ENTHD1: variants seen among roughly 807,000 people sequenced by gnomAD.
ENTHD1 encodes ENTH domain containing 1.
A neutral mutation model predicts 39.1 loss-of-function variants in ENTHD1; 23 were observed. The ratio of observed to expected loss-of-function variants is 0.59; its 90% CI spans 0.42 to 0.83. ENTHD1 has a LOEUF of 0.83. ENTHD1 is among the 40% of genes least tolerant of loss of function. The pLI, the probability that ENTHD1 is intolerant of heterozygous loss-of-function variation, is 0.00. For missense variants in ENTHD1, 624 were observed against 705.4 expected (o/e 0.88, Z 1.31); for synonymous variants, 230 against 258.2 (o/e 0.89, Z 1.05).
At chr22:39,813,616 T>C (rs1275737623) in intron 5 of ENTHD1, among the ~76,000 whole-genome samples, 1 of 152,232 alleles carries the variant, frequency 6.6e-6, no homozygotes, top group Non-Finnish European at 1.5e-5. Flanking sequence ...ATTAAGCCTC[T>C]ATCTTAATGA....
At chr22:39,749,007 T>C (rs1271323510) in intron 6 of ENTHD1, among the ~76,000 whole-genome samples, 1 of 152,226 alleles carries the variant, frequency 6.6e-6, no homozygotes, top group Non-Finnish European at 1.5e-5. Flanking sequence ...CACCTTTCTT[T>C]TGCCTTATGA....
rs552854468 is a variant in ENTHD1 at position 39,851,732 on chromosome 22, T to C, written c.592+10033A>G. 2.6e-5 allele frequency among the ~76,000 whole-genome samples: 4 copies of C among 152,358 alleles called. No individual in the cohort carries two copies. The East Asian group carries it at 7.7e-4, about 29-fold the overall frequency. On this transcript the variant is annotated intron_variant, in intron 3 of 6. Coordinates refer to ENST00000325157, the MANE Select transcript of ENTHD1 (RefSeq NM_152512.4). Reference sequence around the variant, plus strand: ...TCTTAAGCAACTCAACCCCTACAGTTACCTGCAGCTTCCCACAGGCAGAAT... The same window carrying C: ...TCTTAAGCAACTCAACCCCTACAGTCACCTGCAGCTTCCCACAGGCAGAAT...
intron 6 of ENTHD1, among the ~76,000 whole-genome samples, chr22:39,755,934 G>C (rs2065180981): frequency 6.6e-6 from 1 of 152,108 alleles, no homozygotes; most frequent in Admixed American, 6.5e-5. Context: ...CACATTTAGT[G>C]GGTGGGCTGG....
At chr22:39,771,863 C>A (rs576277472) in intron 5 of ENTHD1, among the ~76,000 whole-genome samples, 44 of 152,006 alleles carry the variant, frequency 2.9e-4, no homozygotes, top group African/African-American at 1.0e-3. Flanking sequence ...GGGTTGAAGA[C>A]AAAGTACACC....
intron 5 of ENTHD1, among the ~76,000 whole-genome samples, chr22:39,816,986 A>C (rs1414924689): frequency 6.6e-6 from 1 of 152,082 alleles, no homozygotes; most frequent in Non-Finnish European, 1.5e-5. Context: ...AAAAATAAAA[A>C]ATAGGTTAAA....
At chr22:39,765,130 C>T (rs1468356748) in intron 6 of ENTHD1, 93 bp downstream of exon 6, 4 of 1,434,542 alleles carry the variant, frequency 2.8e-6, no homozygotes, top group Non-Finnish European at 2.7e-6. Context: ...AAAAAGGAGA[C>T]AGAAAGCAGA....
intron 5 of ENTHD1, among the ~76,000 whole-genome samples, chr22:39,802,349 A>G (rs1264688670): frequency 6.6e-6 from 1 of 152,228 alleles, no homozygotes; most frequent in East Asian, 1.9e-4. Context: ...ACAGCCATGT[A>G]GAAATGTGAT....
chr22:39,821,020 C>T lies in ENTHD1; in HGVS notation c.805G>A (p.Glu269Lys), dbSNP rs774070537. 8.7e-6 allele frequency: 14 copies of T among 1,613,936 alleles called. No individual in the cohort carries two copies. In the Admixed American group the frequency reaches 2.3e-4, roughly 27 times the overall value. Residue 269 changes from glutamate (E) to lysine (K), a missense_variant, in exon 5 of 7, where the codon GAA (glutamate) becomes AAA (lysine). Glu to Lys is a moderately conservative substitution (Grantham distance 56). Transcript: ENST00000325157. Reference protein sequence around the residue: ...VSPITCLSEAEEVCNLSGADA... With the variant: ...VSPITCLSEAKEVCNLSGADA... ...GCACCCGAAAGATTACAAACTTCTT[C>T]TGCTTCTGACAAGCAAGTGATTGGA...
chr22:39,823,709 G>C (rs182299046), intron 4 of ENTHD1, among the ~76,000 whole-genome samples: 294 of 152,180 alleles, frequency 1.9e-3, no homozygotes, highest in African/African-American at 7.0e-3. Context: ...TCATATAGTA[G>C]CCACGTTTAG....
In ENTHD1 at chr22:39,855,744, G is replaced by A. The variant is rs539610204; in HGVS notation, c.592+6021C>T. ...GTGGATCATGAAGTGGAACTTAAAC[G>A]CTGAGTTTGGTGGAGCAATGAGACT... On this transcript the variant is annotated intron_variant, in intron 3 of 6. Coordinates refer to ENST00000325157, the MANE Select transcript of ENTHD1 (RefSeq NM_152512.4). Among the ~76,000 whole-genome samples the A allele has an allele frequency of 1.7e-4, 26 of 152,268 alleles. 2 individuals are homozygous for A. The South Asian group carries it at 3.5e-3, about 21-fold the overall frequency.
intron 4 of ENTHD1, among the ~76,000 whole-genome samples, chr22:39,835,451 GA>G (rs916625897): frequency 6.6e-6 from 1 of 151,804 alleles, no homozygotes; most frequent in African/African-American, 2.4e-5. Flanking sequence ...ACACTTAGAA[GA>G]AAAAATAAGA....
At chr22:39,888,548 C>T (rs6001701) in intron 1 of ENTHD1, among the ~76,000 whole-genome samples, 131 of 152,176 alleles carry the variant, frequency 8.6e-4, no homozygotes, top group African/African-American at 3.2e-3. Context: ...CTGCCTCAGC[C>T]TCCTGAGTAG....
At chr22:39,891,956 T>C (rs1421306657) in intron 1 of ENTHD1, among the ~76,000 whole-genome samples, 1 of 152,102 alleles carries the variant, frequency 6.6e-6, no homozygotes, top group Non-Finnish European at 1.5e-5. Flanking sequence ...GAGTTCTTAT[T>C]GGTTGCCCAG....
intron 5 of ENTHD1, among the ~76,000 whole-genome samples, chr22:39,794,093 G>A (rs994980905): frequency 3.3e-5 from 5 of 152,032 alleles, no homozygotes; most frequent in South Asian, 2.1e-4. Context: ...ATCTATAAGC[G>A]TTGGATGTCT....
chr22:39,819,751 A>T (rs142705128), intron 5 of ENTHD1, among the ~76,000 whole-genome samples: 249 of 152,362 alleles, frequency 1.6e-3, no homozygotes, highest in Non-Finnish European at 2.7e-3. Flanking sequence ...AGATGATTAT[A>T]TGGCAATGGA....
chr22:39,867,699 C>T lies in ENTHD1; in HGVS notation c.350-5692G>A, dbSNP rs139910357. Among the ~76,000 whole-genome samples the T allele has an allele frequency of 3.3e-5, 5 of 152,042 alleles. No homozygotes were observed. In the East Asian group the frequency reaches 9.7e-4, roughly 30 times the overall value. On this transcript the variant is annotated intron_variant, in intron 2 of 6. Coordinates refer to ENST00000325157, the MANE Select transcript of ENTHD1 (RefSeq NM_152512.4). The surrounding 1 kb of genome is among the most constrained non-coding windows in gnomAD (Gnocchi z 4.5). ...GGGAGAAGTATCTAAAATATCTGAT[C>T]AAGTTTCCAGGATAGAAAACCTTCA... is the stretch of plus-strand genomic sequence containing the variant.
intron 3 of ENTHD1, among the ~76,000 whole-genome samples, chr22:39,836,731 G>C (rs370594577): frequency 6.6e-6 from 1 of 152,182 alleles, no homozygotes; most frequent in African/African-American, 2.4e-5. Flanking sequence ...GGAGGTGATT[G>C]GTTCATGGGG....
chr22:39,768,989 C>T (rs113038754), intron 5 of ENTHD1, among the ~76,000 whole-genome samples: 6 of 151,834 alleles, frequency 4.0e-5, no homozygotes, highest in African/African-American at 1.4e-4. Flanking sequence ...TACATATACA[C>T]ACACTAACTT....
chr22:39,760,487 T>G (rs978867756), intron 6 of ENTHD1, among the ~76,000 whole-genome samples: 1 of 152,000 alleles, frequency 6.6e-6, no homozygotes, highest in Non-Finnish European at 1.5e-5. Flanking sequence ...TTTTAATTGT[T>G]TTACTTTCAA....
Sources: gnomAD v4.1 joint callset for allele counts (sites outside exome capture counted in the v4.1 genomes callset) on GRCh38, gnomAD v4.1.1 for gene constraint, Gnocchi (gnomAD v3.1) non-coding constraint, MANE v1.5 for transcripts, NCBI Gene and HGNC (gene_info 2026-07-23, HGNC 2026-07-21) for gene names.